Variants in LRBA observed in about 807,000 individuals in gnomAD.
The protein encoded by LRBA is lipopolysaccharide-responsive and beige-like anchor protein.
A neutral mutation model predicts 330.0 loss-of-function variants in LRBA; 176 were observed. That is an observed-to-expected ratio of 0.53 (90% CI 0.47 to 0.60). The LOEUF is 0.60. Ranked by LOEUF, LRBA falls within the 20% of genes least tolerant of loss-of-function variation. The probability of loss-of-function intolerance (pLI) is 0.00; values close to 1 mark genes in which losing one functional copy is unlikely to be tolerated. For synonymous variants in LRBA, 1,230 were observed against 1,193.0 expected (o/e 1.03, Z -0.64); for missense variants, 3,259 against 3,444.8 (o/e 0.95, Z 1.35).
At chr4:150,963,217 G>T (rs773235029) in intron 2 of LRBA, among the ~76,000 whole-genome samples, 1 of 147,004 alleles carries the variant, frequency 6.8e-6, no homozygotes, top group South Asian at 2.1e-4. Flanking sequence ...CCCTTTGCAC[G>T]GTCTCCCTCT....
chr4:150,638,091 TA>T (rs1778105546), intron 37 of LRBA, among the ~76,000 whole-genome samples: 1 of 148,804 alleles, frequency 6.7e-6, no homozygotes, highest in Non-Finnish European at 1.5e-5. Context: ...ACAATTTCTT[TA>T]ATTATTTTTT....
intron 2 of LRBA, among the ~76,000 whole-genome samples, chr4:150,981,956 C>G (rs1412868774): frequency 2.1e-5 from 3 of 143,852 alleles, no homozygotes; most frequent in Non-Finnish European, 4.5e-5. Flanking sequence ...GAGCAAGACT[C>G]CATCTCAAAA....
At chr4:150,366,393 A>T (rs113593355) in intron 47 of LRBA, among the ~76,000 whole-genome samples, 2 of 152,154 alleles carry the variant, frequency 1.3e-5, no homozygotes, top group African/African-American at 4.8e-5. Flanking sequence ...GTTAAATTCA[A>T]CTCATAGGAT....
intron 40 of LRBA, among the ~76,000 whole-genome samples, chr4:150,507,877 C>T (rs1179576237): frequency 6.6e-6 from 1 of 152,020 alleles, no homozygotes; most frequent in Non-Finnish European, 1.5e-5. Flanking sequence ...CACATACACA[C>T]CATGGAATAC....
At chr4:150,403,313 T>C (rs1214782985) in intron 47 of LRBA, among the ~76,000 whole-genome samples, 2 of 152,222 alleles carry the variant, frequency 1.3e-5, no homozygotes, top group African/African-American at 4.8e-5. Context: ...CATTCCTCTG[T>C]GAATTCAATT....
chr4:150,588,402 A>G (rs971042424), intron 39 of LRBA, among the ~76,000 whole-genome samples: 5 of 152,228 alleles, frequency 3.3e-5, no homozygotes, highest in African/African-American at 1.2e-4. Context: ...GCGGTTAATG[A>G]TAACAGTAAA....
intron 35 of LRBA, among the ~76,000 whole-genome samples, chr4:150,741,558 T>C (rs1451586011): frequency 1.3e-5 from 2 of 152,078 alleles, no homozygotes; most frequent in Non-Finnish European, 2.9e-5. Context: ...ACAAAATCGA[T>C]TAATAAAAAT....
At chr4:150,633,033 C>A (rs1488644029) in intron 37 of LRBA, among the ~76,000 whole-genome samples, 3 of 152,128 alleles carry the variant, frequency 2.0e-5, no homozygotes, top group African/African-American at 7.2e-5. Flanking sequence ...AATTTATATA[C>A]CCAGCGAAAA....
intron 34 of LRBA, among the ~76,000 whole-genome samples, chr4:150,783,427 A>T (rs554708051): frequency 8.5e-5 from 13 of 152,322 alleles, no homozygotes; most frequent in African/African-American, 2.9e-4. Flanking sequence ...CTTTTCTGAG[A>T]AAAAGAAATA....
intron 42 of LRBA, among the ~76,000 whole-genome samples, 187 bp downstream of exon 42, chr4:150,487,545 T>C (rs1458786001): frequency 6.6e-6 from 1 of 151,584 alleles, no homozygotes; most frequent in African/African-American, 2.4e-5. Context: ...TACATTATAA[T>C]GCAGTTTAGT....
At chr4:150,489,319 TAAAATATATTACATATAAGAATATAA>T (rs1758464818) in intron 41 of LRBA, among the ~76,000 whole-genome samples, 4 of 33,078 alleles carry the variant, frequency 1.2e-4, no homozygotes, top group Admixed American at 5.7e-4. Flanking sequence ...TAAGAATATA[TAAAATATATTACATATAAGAATATAA>T]AATATATTAC....
chr4:150,868,150 A>T (rs745365627), intron 21 of LRBA, 32 bp downstream of exon 21: 2 of 1,574,990 alleles, frequency 1.3e-6, no homozygotes, highest in African/African-American at 2.7e-5. Context: ...ACATTTGAAT[A>T]CTGCAAATAA....
intron 17 of LRBA, among the ~76,000 whole-genome samples, chr4:150,886,748 T>C (rs1579099118): frequency 2.0e-5 from 3 of 152,292 alleles, no homozygotes; most frequent in Admixed American, 2.0e-4. Context: ...TAGAGGATTA[T>C]AACAGGGCCC....
At chr4:150,736,743 AG>A (rs1199331044) in intron 35 of LRBA, among the ~76,000 whole-genome samples, 5 of 152,186 alleles carry the variant, frequency 3.3e-5, no homozygotes, top group Non-Finnish European at 7.3e-5. Flanking sequence ...ATGTTGATGG[AG>A]TGCTACAAAA....
intron 46 of LRBA, among the ~76,000 whole-genome samples, chr4:150,429,254 C>T (rs1316089323): frequency 6.6e-6 from 1 of 151,868 alleles, no homozygotes; most frequent in Admixed American, 6.6e-5. Flanking sequence ...ACCTGAAAGG[C>T]ATGAAGAATG....
intron 35 of LRBA, among the ~76,000 whole-genome samples, chr4:150,737,146 A>C (rs1385851515): frequency 6.6e-6 from 1 of 152,132 alleles, no homozygotes; most frequent in Non-Finnish European, 1.5e-5. Flanking sequence ...TGAGTCAATG[A>C]GTTTCAAGTT....
intron 36 of LRBA, among the ~76,000 whole-genome samples, chr4:150,706,010 A>C (rs551317726): frequency 6.6e-6 from 1 of 152,138 alleles, no homozygotes; most frequent in South Asian, 2.1e-4. Context: ...TAAAACTATC[A>C]ATATCTGCAG....
At chr4:150,588,725 C>T (rs1017150455) in intron 39 of LRBA, among the ~76,000 whole-genome samples, 1 of 152,178 alleles carries the variant, frequency 6.6e-6, no homozygotes, top group African/African-American at 2.4e-5. Context: ...AACAACTTTA[C>T]CCCATCAATG....
At chr4:150,639,787 G>A (rs1224710698) in intron 37 of LRBA, among the ~76,000 whole-genome samples, 171 of 16,212 alleles carry the variant, frequency 0.011, 18 homozygotes, top group African/African-American at 0.047. Flanking sequence ...ATATATGTGT[G>A]TGTGTATATA....
Sources: gnomAD v4.1 joint callset for allele counts (sites outside exome capture counted in the v4.1 genomes callset) on GRCh38, gnomAD v4.1.1 for gene constraint, MANE v1.5 for transcripts, NCBI Gene and HGNC (gene_info 2026-07-23, HGNC 2026-07-21) for gene names.